Variants in TEX14 observed in about 807,000 individuals in gnomAD.
TEX14 encodes testis expressed 14, intercellular bridge forming factor.
A neutral mutation model predicts 178.6 loss-of-function variants in TEX14; 168 were observed. The observed-to-expected ratio is 0.94, with a 90% CI of 0.83 to 1.07. The LOEUF is 1.07. Among genes scored for constraint, TEX14 ranks in the 50% least tolerant of loss-of-function variants. The probability of loss-of-function intolerance (pLI) is 0.00; values close to 1 mark genes in which losing one functional copy is unlikely to be tolerated. For synonymous variants in TEX14, 626 were observed against 634.1 expected (o/e 0.99, Z 0.19); for missense variants, 1,730 against 1,753.6 (o/e 0.99, Z 0.24).
At chr17:58,615,421 G>T in intron 7 of TEX14, 76 bp from the exon 8 acceptor site, 1 of 915,016 alleles carries the variant, frequency 1.1e-6, no homozygotes, top group Non-Finnish European at 1.8e-6. Context: ...GCTTTCCTAA[G>T]CAAGGACCAG....
rs2045481948 is a variant in TEX14 at position 58,602,602 on chromosome 17, A to G, written c.1337-12T>C. 1 of 1,599,888 alleles carries G rather than the reference A, an allele frequency of 6.3e-7. No individual in the cohort carries two copies. The highest frequency in any genetic ancestry group is 8.5e-7 in the Non-Finnish European group (1 of 1,172,290). ...CCAGGGTATGTCATCTGTAAGGAAA[A>G]AGTCATACAAAAGAGTAAATTAGGA... On this transcript the variant is annotated splice_polypyrimidine_tract_variant and intron_variant, in intron 11 of 31. Transcript: ENST00000349033.
intron 11 of TEX14, 104 bp from the exon 12 acceptor site, chr17:58,602,694 ACTT>A (rs199990690): frequency 1.2e-6 from 1 of 806,748 alleles, no homozygotes; most frequent in Non-Finnish European, 1.9e-6. Flanking sequence ...AAGTCACTTA[ACTT>A]CTTTATTTTT....
intron 2 of TEX14, chr17:58,631,200 G>A (rs1241839525): frequency 2.1e-6 from 2 of 947,140 alleles, no homozygotes; most frequent in South Asian, 4.9e-5. Context: ...AGTGGCTCAC[G>A]CCTGTAATGC....
chr17:58,576,900 G>A (rs987103781), intron 21 of TEX14, among the ~76,000 whole-genome samples: 3 of 152,178 alleles, frequency 2.0e-5, no homozygotes, highest in African/African-American at 4.8e-5. Context: ...TGGTATGGAT[G>A]TACCAAAGTC....
intron 18 of TEX14, 129 bp from the exon 19 acceptor site, chr17:58,584,729 A>AG: frequency 1.4e-6 from 1 of 736,896 alleles, no homozygotes; most frequent in African/African-American, 1.7e-5. Flanking sequence ...CCCATACGTT[A>AG]GGTTCAGTCC....
chr17:58,615,319 G>C lies in TEX14; in HGVS notation c.794C>G (p.Thr265Arg). ...GGTGGGGAGATTCAGCTCTTTCACT[G>C]TGACCCTGCTCCCATTCCACACTAG... ...TNLVWNGSRV[T>R]VKELNLPTHP... Residue 265 changes from threonine to arginine, a missense_variant, in exon 8 of 32, where the codon ACA (threonine) becomes AGA (arginine). Physicochemically the swap from Thr to Arg is moderately conservative, Grantham distance 71. Around this residue, in one of 2 missense-constraint regions of TEX14, gnomAD observed 789 missense variants for 681.2 expected, o/e 1.16. Coordinates refer to ENST00000349033, the MANE Select transcript of TEX14 (RefSeq NM_031272.5). 1 of 1,612,698 alleles carries C rather than the reference G, an allele frequency of 6.2e-7. No individual in the cohort carries two copies. Among genetic ancestry groups the C allele is most frequent in the African/African-American group, 1.3e-5 (1 of 75,026 alleles).
At position 58,628,438 on chromosome 17, in the gene TEX14, C is replaced by T. The variant is rs540003459; in HGVS notation, c.251+2002G>A. Reference sequence around the variant, plus strand: ...CTAAGAATACAAAAATTAGGCCGGGCGCAGTGGCTCATGCCTGTAATCCCA... The same window carrying T: ...CTAAGAATACAAAAATTAGGCCGGGTGCAGTGGCTCATGCCTGTAATCCCA... On this transcript the variant is annotated intron_variant, in intron 3 of 31. Transcript: ENST00000349033. Among the ~76,000 whole-genome samples the T allele has an allele frequency of 3.3e-5, 5 of 152,132 alleles. No individual in the cohort carries two copies. In the South Asian group the frequency reaches 6.2e-4, roughly 19 times the overall value.
chr17:58,612,837 G>A (rs1394698874), intron 9 of TEX14, among the ~76,000 whole-genome samples: 1 of 151,868 alleles, frequency 6.6e-6, no homozygotes, highest in Non-Finnish European at 1.5e-5. Flanking sequence ...CCCAGGAGTT[G>A]GAGGTTACAG....
intron 21 of TEX14, among the ~76,000 whole-genome samples, chr17:58,574,923 C>A (rs1262784650): frequency 6.6e-6 from 1 of 152,074 alleles, no homozygotes; most frequent in Non-Finnish European, 1.5e-5. Context: ...CATGAGGCCT[C>A]AGCACCTGTA....
chr17:58,624,165 G>C (rs1251736170), intron 3 of TEX14, among the ~76,000 whole-genome samples: 2 of 151,778 alleles, frequency 1.3e-5, no homozygotes, highest in African/African-American at 2.4e-5. Context: ...CATACCTGTA[G>C]TCCCAGCTAC....
rs745322286 is a variant in TEX14 at position 58,579,697 on chromosome 17, A to G, written c.3206T>C (p.Ile1069Thr). The stretch of plus-strand genomic sequence containing the variant: ...TTGAGGTTGGGCAAATGCACCTTGT[A>G]TTCCTTCAAAGTCCTCTTCTATGGG... ...SSPIEEDFEG[I>T]QGAFAQPQVS... is the part of the protein sequence containing the mutation. Residue 1069 changes from isoleucine (I) to threonine (T), a missense_variant, in exon 20 of 32, where the codon ATA becomes ACA. By Grantham distance (89) the Ile-to-Thr change is moderately conservative. Transcript: ENST00000349033. The G allele has an allele frequency of 1.2e-6, 2 of 1,614,048 alleles. No homozygotes were observed. Among genetic ancestry groups the G allele is most frequent in the Non-Finnish European group, 1.7e-6 (2 of 1,179,972 alleles).
chr17:58,602,046 TC>T (rs2045465351), intron 12 of TEX14, 90 bp from the exon 13 acceptor site: 1 of 1,350,716 alleles, frequency 7.4e-7, no homozygotes, highest in Admixed American at 2.0e-5. Context: ...TCTGATAAAC[TC>T]CCTCTTATTC....
rs142302366 is a variant in TEX14, at chr17:58,586,635, T to C, written c.2789-553A>G. Among the ~76,000 whole-genome samples the C allele has an allele frequency of 8.5e-4, 130 of 152,270 alleles. 2 individuals are homozygous for C. Among genetic ancestry groups the C allele is most frequent in the Admixed American group, 7.4e-3 (113 of 15,286 alleles). On this transcript the variant is annotated intron_variant, in intron 17 of 31. Transcript: ENST00000349033. Reference sequence around the variant, plus strand: ...TGCCCACAGGATATGAGAGTGACACTGCATACTCTCCACTTTTATAATGTT... The same window carrying C: ...TGCCCACAGGATATGAGAGTGACACCGCATACTCTCCACTTTTATAATGTT...
At chr17:58,661,558 G>C (rs4340382) in intron 1 of TEX14, 2 of 750,718 alleles carry the variant, frequency 2.7e-6, no homozygotes, top group Admixed American at 1.9e-5. Context: ...ACAGCTCGGG[G>C]AGCCGCGGCG....
intron 14 of TEX14, among the ~76,000 whole-genome samples, chr17:58,597,183 T>C (rs2045307613): frequency 6.6e-6 from 1 of 151,950 alleles, no homozygotes; most frequent in Non-Finnish European, 1.5e-5. Flanking sequence ...GGATCACCTA[T>C]GGTCAGGAGT....
intron 1 of TEX14, among the ~76,000 whole-genome samples, chr17:58,688,676 T>C (rs961816337): frequency 5.9e-5 from 9 of 152,138 alleles, no homozygotes; most frequent in Admixed American, 3.3e-4. Context: ...ACATAGTTGG[T>C]AACTTCCAGA....
intron 14 of TEX14, 32 bp downstream of exon 14, chr17:58,598,844 T>C: frequency 7.8e-6 from 12 of 1,544,236 alleles, no homozygotes; most frequent in Non-Finnish European, 1.0e-5. Flanking sequence ...CCTGGATCTT[T>C]TGCCAAAATG....
intron 1 of TEX14, among the ~76,000 whole-genome samples, chr17:58,683,143 C>T (rs1225321371): frequency 1.3e-5 from 2 of 150,738 alleles, no homozygotes; most frequent in East Asian, 1.9e-4. Context: ...GAGGCTGAGG[C>T]GGGTGAATCA....
chr17:58,578,992 C>T (rs1375658580), intron 20 of TEX14, among the ~76,000 whole-genome samples: 1 of 152,156 alleles, frequency 6.6e-6, no homozygotes, highest in Non-Finnish European at 1.5e-5. Context: ...TGAGTACATA[C>T]CTTAAAAGAA....
Sources: gnomAD v4.1 joint callset for allele counts (sites outside exome capture counted in the v4.1 genomes callset) on GRCh38, gnomAD v4.1.1 for gene constraint, gnomAD v4.1.1 regional missense constraint, MANE v1.5 for transcripts, NCBI Gene and HGNC (gene_info 2026-07-23, HGNC 2026-07-21) for gene names.